ALK: variants seen among roughly 807,000 people sequenced by gnomAD.
The protein encoded by ALK is ALK receptor tyrosine kinase.
Under a neutral mutation model 163.1 loss-of-function variants are expected in ALK, and 74 were observed. That is an observed-to-expected ratio of 0.45 (90% CI 0.38 to 0.55). The LOEUF is 0.55. Among genes scored for constraint, ALK ranks in the 20% least tolerant of loss-of-function variants. ALK has a pLI of 0.00. For synonymous variants in ALK, 960 were observed against 843.2 expected, an observed-to-expected ratio of 1.14 and a Z score of -2.40; for missense variants, 2,063 against 2,105.3, an observed-to-expected ratio of 0.98 and a Z score of 0.39.
At chr2:29,371,810 C>G (rs1403511620) in intron 5 of ALK, among the ~76,000 whole-genome samples, 2 of 152,116 alleles carry the variant, frequency 1.3e-5, no homozygotes, top group African/African-American at 2.4e-5. Context: ...CTCCCTGGCT[C>G]TCCTCTCCAG....
intron 3 of ALK, among the ~76,000 whole-genome samples, chr2:29,627,512 C>G (rs1054148315): frequency 2.0e-5 from 3 of 151,648 alleles, no homozygotes; most frequent in South Asian, 2.1e-4. Context: ...AATTGAGAAG[C>G]ATTTGATCCA....
At chr2:29,377,618 T>C (rs1367251107) in intron 5 of ALK, among the ~76,000 whole-genome samples, 3 of 152,194 alleles carry the variant, frequency 2.0e-5, no homozygotes, top group African/African-American at 7.2e-5. Flanking sequence ...GCTGTACTTG[T>C]ATCATTTTAT....
intron 1 of ALK, among the ~76,000 whole-genome samples, chr2:29,830,201 GC>G (rs1302196408): frequency 1.3e-5 from 2 of 152,186 alleles, no homozygotes; most frequent in Non-Finnish European, 2.9e-5. Flanking sequence ...ACAAATACAT[GC>G]TTTGTCCTTC....
intron 4 of ALK, among the ~76,000 whole-genome samples, chr2:29,463,854 A>G (rs1238668383): frequency 6.6e-6 from 1 of 152,208 alleles, no homozygotes; most frequent in African/African-American, 2.4e-5. Context: ...CAGGCTGAAC[A>G]ATTCCTAGAT....
chr2:29,701,789 A>G (rs963638255), intron 2 of ALK, among the ~76,000 whole-genome samples: 2 of 152,112 alleles, frequency 1.3e-5, no homozygotes, highest in African/African-American at 2.4e-5. Flanking sequence ...ATTAGGCAGG[A>G]TTCTTATCTC....
chr2:29,771,623 C>T (rs892456944), intron 1 of ALK, among the ~76,000 whole-genome samples: 1 of 152,082 alleles, frequency 6.6e-6, no homozygotes, highest in Non-Finnish European at 1.5e-5. Context: ...TAAGCTCCAC[C>T]TCCCGGGTTC....
intron 3 of ALK, among the ~76,000 whole-genome samples, chr2:29,608,040 C>CTTTCT (rs57423593): frequency 0.8 from 121,158 of 151,514 alleles, 48,837 homozygotes; most frequent in African/African-American, 0.91. Flanking sequence ...ATTTCTATTG[C>CTTTCT]TTTGTCTGGA....
intron 4 of ALK, among the ~76,000 whole-genome samples, chr2:29,429,540 C>T (rs568778701): frequency 3.3e-5 from 5 of 151,924 alleles, no homozygotes; most frequent in Non-Finnish European, 5.9e-5. Context: ...ACAAAACTTA[C>T]ACTCTGAAAA....
chr2:29,433,273 T>C (rs1204023620), intron 4 of ALK, among the ~76,000 whole-genome samples: 2 of 152,178 alleles, frequency 1.3e-5, no homozygotes, highest in Non-Finnish European at 2.9e-5. Flanking sequence ...GAGAATTTTG[T>C]TAAAATGCAG....
chr2:29,430,486 C>T (rs1293875338), intron 4 of ALK, among the ~76,000 whole-genome samples: 2 of 152,192 alleles, frequency 1.3e-5, no homozygotes, highest in Non-Finnish European at 1.5e-5. Flanking sequence ...CTCAGCTTTG[C>T]CATGGTAGCA....
chr2:29,617,195 G>C (rs1675870821), intron 3 of ALK, among the ~76,000 whole-genome samples: 1 of 152,166 alleles, frequency 6.6e-6, no homozygotes, highest in Non-Finnish European at 1.5e-5. Context: ...TCTTTTAGAT[G>C]TCAAAGCTAT....
intron 1 of ALK, among the ~76,000 whole-genome samples, chr2:29,781,683 A>G (rs2148350895): frequency 6.6e-6 from 1 of 152,354 alleles, no homozygotes; most frequent in Admixed American, 6.5e-5. Flanking sequence ...GTTGTAAGCC[A>G]TAAAGTAGTA....
chr2:29,616,183 G>C (rs1368408364), intron 3 of ALK, among the ~76,000 whole-genome samples: 3 of 152,214 alleles, frequency 2.0e-5, no homozygotes, highest in African/African-American at 7.2e-5. Flanking sequence ...ACAGGAGAGG[G>C]AGCTCCTGCT....
intron 4 of ALK, among the ~76,000 whole-genome samples, chr2:29,531,553 C>T (rs935729000): frequency 3.9e-5 from 6 of 152,182 alleles, no homozygotes; most frequent in African/African-American, 1.4e-4. Flanking sequence ...GCTGGTAAAA[C>T]CCAGTTTCTA....
chr2:29,710,803 G>T (rs147923888), intron 2 of ALK, among the ~76,000 whole-genome samples: 1 of 152,152 alleles, frequency 6.6e-6, no homozygotes, highest in Non-Finnish European at 1.5e-5. Flanking sequence ...GAGCAACTGT[G>T]CCTGGCCTCA....
chr2:29,284,554 G>C (rs1350857891), intron 9 of ALK, among the ~76,000 whole-genome samples: 1 of 152,148 alleles, frequency 6.6e-6, no homozygotes, highest in African/African-American at 2.4e-5. Context: ...ATTTTAAAGA[G>C]GTTCACTTAG....
intron 1 of ALK, among the ~76,000 whole-genome samples, chr2:29,853,594 C>T (rs1171032781): frequency 1.3e-5 from 2 of 152,208 alleles, no homozygotes; most frequent in Non-Finnish European, 2.9e-5. Context: ...CCTCTGCTCT[C>T]CCTACCTACC....
intron 1 of ALK, among the ~76,000 whole-genome samples, chr2:29,761,156 C>T (rs1166997381): frequency 6.6e-6 from 1 of 152,174 alleles, no homozygotes; most frequent in Non-Finnish European, 1.5e-5. Flanking sequence ...TACTCACTAA[C>T]AGAGAATGAA....
In ALK at chr2:29,842,919, T is replaced by C. The variant is rs1251246720; in HGVS notation, c.667+77074A>G. On this transcript the variant is annotated intron_variant, in intron 1 of 28. Coordinates refer to ENST00000389048, the MANE Select transcript of ALK (RefSeq NM_004304.5). ...CTCGGATGTTTCTGTGGCAGGATACTGAAAGGAAGTGGAGGTTGGAGCAAA... is the reference window on the plus strand; with the variant it reads ...CTCGGATGTTTCTGTGGCAGGATACCGAAAGGAAGTGGAGGTTGGAGCAAA... Among the ~76,000 whole-genome samples, 7 of 152,204 alleles carry C rather than the reference T, an allele frequency of 4.6e-5. No homozygotes were observed. The East Asian group carries it at 1.4e-3, about 30-fold the overall frequency.
Sources: gnomAD v4.1 joint callset for allele counts (sites outside exome capture counted in the v4.1 genomes callset) on GRCh38, gnomAD v4.1.1 for gene constraint, MANE v1.5 for transcripts, NCBI Gene and HGNC (gene_info 2026-07-23, HGNC 2026-07-21) for gene names.